Variants in SCAND3 observed in about 807,000 individuals in gnomAD.
The protein encoded by SCAND3 is SCAN domain-containing protein 3.
At chr6:28,581,157 T>C in the SCAND3 span, among the ~76,000 whole-genome samples, 1 of 151,888 alleles carries the variant, frequency 6.6e-6, no homozygotes, top group African/African-American at 2.4e-5. Flanking sequence ...GGCAACATAG[T>C]GAAACCTCAT....
the SCAND3 span, chr6:28,586,511 A>G: frequency 6.2e-7 from 1 of 1,614,234 alleles, no homozygotes; most frequent in Non-Finnish European, 8.5e-7. This position sits in a 1 kb window ranked among gnomAD's most constrained non-coding sequence, Gnocchi z 4.4. Context: ...GTTGACTCAG[A>G]GCCTCCCTGG....
chr6:28,612,498 T>C, the SCAND3 span, among the ~76,000 whole-genome samples: 1 of 152,228 alleles, frequency 6.6e-6, no homozygotes, highest in African/African-American at 2.4e-5. Flanking sequence ...ATATACACTA[T>C]ATACACAGCA....
the SCAND3 span, among the ~76,000 whole-genome samples, chr6:28,605,678 CAAA>C: frequency 5.9e-5 from 7 of 119,654 alleles, no homozygotes; most frequent in African/African-American, 2.3e-4. Context: ...CTAAAAAATA[CAAA>C]AAAAAAAAAA....
the SCAND3 span, among the ~76,000 whole-genome samples, chr6:28,586,047 C>A: frequency 6.6e-6 from 1 of 152,102 alleles, no homozygotes; most frequent in African/African-American, 2.4e-5. The surrounding 1 kb of genome is among the most constrained non-coding windows in gnomAD (Gnocchi z 4.4). Flanking sequence ...ATAGTCACTA[C>A]ATAAAATATA....
the SCAND3 span, among the ~76,000 whole-genome samples, chr6:28,614,256 G>A: frequency 1.3e-4 from 20 of 151,800 alleles, no homozygotes; most frequent in East Asian, 5.8e-4. Flanking sequence ...GAGCCACCGC[G>A]CCTGGCAACA....
chr6:28,578,100 G>A, the SCAND3 span, among the ~76,000 whole-genome samples: 1 of 152,190 alleles, frequency 6.6e-6, no homozygotes, highest in Non-Finnish European at 1.5e-5. Context: ...TGGCTTTCCT[G>A]TGCCAGGCAA....
chr6:28,578,636 G>A, the SCAND3 span, among the ~76,000 whole-genome samples: 10 of 152,108 alleles, frequency 6.6e-5, no homozygotes, highest in Non-Finnish European at 1.3e-4. Flanking sequence ...ATTAGAAGAA[G>A]AAATACAGGG....
the SCAND3 span, chr6:28,575,808 C>T: frequency 6.2e-7 from 1 of 1,613,878 alleles, no homozygotes; most frequent in South Asian, 1.1e-5. This position sits in a 1 kb window ranked among gnomAD's most constrained non-coding sequence, Gnocchi z 4.2. Context: ...GTAAGTAATA[C>T]CGTATTTTAT....
chr6:28,583,336 C>T, the SCAND3 span, among the ~76,000 whole-genome samples: 2 of 152,048 alleles, frequency 1.3e-5, no homozygotes, highest in Non-Finnish European at 2.9e-5. Flanking sequence ...GAGCCGAGAT[C>T]GTGCCACTAC....
At chr6:28,611,859 T>C in the SCAND3 span, among the ~76,000 whole-genome samples, 1 of 152,250 alleles carries the variant, frequency 6.6e-6, no homozygotes, top group Non-Finnish European at 1.5e-5. Flanking sequence ...AAATGGTGCA[T>C]ATACATAACA....
the SCAND3 span, among the ~76,000 whole-genome samples, chr6:28,579,816 G>A: frequency 2.0e-5 from 3 of 151,272 alleles, no homozygotes; most frequent in Admixed American, 6.6e-5. The surrounding 1 kb of genome is among the most constrained non-coding windows in gnomAD (Gnocchi z 4.5). Flanking sequence ...GGAGGTCGAG[G>A]CAGGTGGATC....
the SCAND3 span, among the ~76,000 whole-genome samples, chr6:28,595,062 C>T: frequency 4.0e-5 from 6 of 151,302 alleles, no homozygotes; most frequent in Non-Finnish European, 8.8e-5. Flanking sequence ...TACCTGGGAA[C>T]ATCGAAGATA....
chr6:28,578,063 C>T, the SCAND3 span, among the ~76,000 whole-genome samples: 1 of 152,158 alleles, frequency 6.6e-6, no homozygotes, highest in Admixed American at 6.5e-5. Flanking sequence ...AATAAATGCC[C>T]TCTTTTCTCC....
chr6:28,572,666 G>A, the SCAND3 span: 85 of 1,613,888 alleles, frequency 5.3e-5, no homozygotes, highest in Admixed American at 9.2e-4. The surrounding 1 kb of genome is among the most constrained non-coding windows in gnomAD (Gnocchi z 4.1). Context: ...AGTTCATTTC[G>A]TATTTCAAAC....
the SCAND3 span, among the ~76,000 whole-genome samples, chr6:28,614,109 A>G: frequency 2.0e-5 from 3 of 151,894 alleles, no homozygotes; most frequent in African/African-American, 7.3e-5. Context: ...GAATACAGGC[A>G]TGTACCACCA....
At chr6:28,589,707 A>C in the SCAND3 span, 13 of 152,160 alleles carry the variant, frequency 8.5e-5, no homozygotes, top group Non-Finnish European at 8.8e-5. Flanking sequence ...CTCCAGCAGC[A>C]ACGTGGAAAC....
chr6:28,594,027 T>C, the SCAND3 span, among the ~76,000 whole-genome samples: 3 of 152,158 alleles, frequency 2.0e-5, no homozygotes, highest in Non-Finnish European at 4.4e-5. Context: ...TAACAATCTT[T>C]CACCTTTTTG....
chr6:28,572,334 C>A, the SCAND3 span: 3 of 1,601,290 alleles, frequency 1.9e-6, no homozygotes, highest in African/African-American at 4.0e-5. The surrounding 1 kb of genome is among the most constrained non-coding windows in gnomAD (Gnocchi z 4.1). Context: ...AACATTCTAA[C>A]AAATTTGTAA....
the SCAND3 span, among the ~76,000 whole-genome samples, chr6:28,602,999 G>A: frequency 8.9e-6 from 1 of 111,928 alleles, no homozygotes; most frequent in Non-Finnish European, 1.7e-5. Context: ...GTCTCACTCT[G>A]TCGCCCAGGC....
Sources: gnomAD v4.1 joint callset for allele counts (sites outside exome capture counted in the v4.1 genomes callset) on GRCh38, gnomAD v4.1.1 for gene constraint, Gnocchi (gnomAD v3.1) non-coding constraint, MANE v1.5 for transcripts, NCBI Gene and HGNC (gene_info 2026-07-23, HGNC 2026-07-21) for gene names.